Variants in CCDC178 observed in about 807,000 individuals in gnomAD.
The protein encoded by CCDC178 is coiled-coil domain-containing protein 178.
In CCDC178, 126 loss-of-function variants were observed where a neutral mutation model predicts 117.4. That is an observed-to-expected ratio of 1.07 (90% confidence interval 0.93 to 1.24). The LOEUF is 1.24. Among genes scored for constraint, CCDC178 ranks in the 50% most tolerant of loss-of-function variants. CCDC178 has a pLI of 0.00. For missense variants in CCDC178, 1,030 were observed against 986.9 expected (o/e 1.04, Z -0.59); for synonymous variants, 283 against 313.4 (o/e 0.90, Z 1.02).
intron 21 of CCDC178, among the ~76,000 whole-genome samples, chr18:33,001,726 A>G (rs1159596493): frequency 6.6e-6 from 1 of 151,994 alleles, no homozygotes; most frequent in East Asian, 1.9e-4. Flanking sequence ...CAGTCAAAAG[A>G]CATAGATTGT....
intron 20 of CCDC178, among the ~76,000 whole-genome samples, chr18:33,192,451 C>T (rs1270558431): frequency 6.6e-6 from 1 of 152,146 alleles, no homozygotes; most frequent in Non-Finnish European, 1.5e-5. Flanking sequence ...ATAAAAAATA[C>T]ATGATGTGGA....
chr18:33,372,445 T>C (rs2063312056), intron 5 of CCDC178, among the ~76,000 whole-genome samples: 1 of 152,120 alleles, frequency 6.6e-6, no homozygotes. Context: ...ATTAATGTAT[T>C]GGTAGGATGT....
intron 21 of CCDC178, among the ~76,000 whole-genome samples, chr18:33,084,815 A>T (rs551301039): frequency 6.6e-6 from 1 of 152,034 alleles, no homozygotes; most frequent in East Asian, 1.9e-4. Context: ...CGTCTCAAAA[A>T]AAAAAAAAAG....
intron 12 of CCDC178, 22 bp from the exon 13 acceptor site, chr18:33,267,319 A>T: frequency 2.2e-6 from 3 of 1,369,840 alleles, no homozygotes; most frequent in Non-Finnish European, 3.0e-6. Flanking sequence ...GATATACAGA[A>T]CAAAGTGAAT....
In CCDC178 at chr18:33,214,119, C is replaced by T. The variant is rs147544379; in HGVS notation, c.2078+1431G>A. On this transcript the variant is annotated intron_variant, in intron 19 of 22. Coordinates refer to ENST00000383096, the MANE Select transcript of CCDC178 (RefSeq NM_001105528.4). ...GGAGCTAAGCTGAAGCTACCTCTAC[C>T]ACTACTTAAGAGTGTGATCTTAGAT... is the stretch of plus-strand genomic sequence containing the variant. Among the ~76,000 whole-genome samples, 288 of 152,154 alleles carry T rather than the reference C, an allele frequency of 1.9e-3. 1 individual carries two copies. Among genetic ancestry groups the T allele is most frequent in the African/African-American group, 6.5e-3 (268 of 41,540 alleles).
chr18:33,375,467 G>T (rs144799612), intron 5 of CCDC178, among the ~76,000 whole-genome samples: 1 of 152,162 alleles, frequency 6.6e-6, no homozygotes, highest in African/African-American at 2.4e-5. Flanking sequence ...CTCCCATCCT[G>T]GCATTGAGAG....
intron 2 of CCDC178, 30 bp downstream of exon 2, chr18:33,439,932 C>A (rs2064355217): frequency 6.6e-6 from 1 of 152,168 alleles, no homozygotes; most frequent in South Asian, 2.1e-4. Flanking sequence ...TGTCAAATCA[C>A]AAATCAGCTC....
At chr18:33,423,672 C>T (rs1177853214) in intron 2 of CCDC178, among the ~76,000 whole-genome samples, 2 of 152,090 alleles carry the variant, frequency 1.3e-5, no homozygotes, top group African/African-American at 4.8e-5. Flanking sequence ...AGATAAAATA[C>T]TTTGTTAATT....
intron 21 of CCDC178, 83 bp downstream of exon 21, chr18:33,092,678 G>A: frequency 1.2e-6 from 1 of 866,930 alleles, no homozygotes; most frequent in African/African-American, 1.8e-5. Context: ...TCAGATCAGA[G>A]GCACCCAAAC....
intron 9 of CCDC178, among the ~76,000 whole-genome samples, chr18:33,341,479 A>G (rs1390530805): frequency 6.6e-6 from 1 of 152,180 alleles, no homozygotes; most frequent in African/African-American, 2.4e-5. Flanking sequence ...TGGAGGGGCC[A>G]GTAGAATGAT....
At chr18:33,364,371 G>A (rs1273504277) in intron 6 of CCDC178, among the ~76,000 whole-genome samples, 1 of 152,066 alleles carries the variant, frequency 6.6e-6, no homozygotes, top group Non-Finnish European at 1.5e-5. Context: ...GAATAAATGA[G>A]TGATTGGGAG....
At chr18:33,074,555 G>A (rs546529300) in intron 21 of CCDC178, among the ~76,000 whole-genome samples, 12 of 152,304 alleles carry the variant, frequency 7.9e-5, no homozygotes, top group African/African-American at 2.6e-4. Context: ...GGAGCCCTGG[G>A]GAATTCCAAC....
At chr18:33,363,875 T>C (rs2063162845) in intron 6 of CCDC178, among the ~76,000 whole-genome samples, 1 of 152,104 alleles carries the variant, frequency 6.6e-6, no homozygotes, top group African/African-American at 2.4e-5. Context: ...AATGGACTGA[T>C]AGATTGCTAC....
At chr18:33,415,467 C>G (rs922704882) in intron 2 of CCDC178, among the ~76,000 whole-genome samples, 1 of 151,474 alleles carries the variant, frequency 6.6e-6, no homozygotes, top group East Asian at 2.0e-4. Flanking sequence ...AAACAAACAC[C>G]GCATGTTCTC....
chr18:33,163,086 C>A (rs1196087573), intron 20 of CCDC178, among the ~76,000 whole-genome samples: 1 of 152,098 alleles, frequency 6.6e-6, no homozygotes, highest in East Asian at 1.9e-4. Flanking sequence ...ACAACCTCGC[C>A]AGTATCTGTT....
intron 2 of CCDC178, among the ~76,000 whole-genome samples, chr18:33,432,404 A>G (rs892234440): frequency 1.3e-5 from 2 of 149,162 alleles, no homozygotes; most frequent in African/African-American, 5.2e-5. Context: ...AGCGAACTGT[A>G]AGTTTTGCTT....
At chr18:32,952,895 C>T (rs937186077) in intron 22 of CCDC178, among the ~76,000 whole-genome samples, 1 of 151,680 alleles carries the variant, frequency 6.6e-6, no homozygotes, top group African/African-American at 2.4e-5. Flanking sequence ...GCCTCAGCCT[C>T]CCGAGTAGCT....
chr18:32,989,730 C>A (rs1006890352), intron 21 of CCDC178, among the ~76,000 whole-genome samples: 4 of 151,996 alleles, frequency 2.6e-5, no homozygotes, highest in Non-Finnish European at 4.4e-5. Flanking sequence ...AGTAACAAAG[C>A]AAGTGGCAGC....
chr18:33,031,715 G>A (rs2056347034), intron 21 of CCDC178, among the ~76,000 whole-genome samples: 1 of 151,816 alleles, frequency 6.6e-6, no homozygotes, highest in Non-Finnish European at 1.5e-5. Flanking sequence ...ATGTTATAAT[G>A]ATTCAAGTCC....
Sources: gnomAD v4.1 joint callset for allele counts (sites outside exome capture counted in the v4.1 genomes callset) on GRCh38, gnomAD v4.1.1 for gene constraint, MANE v1.5 for transcripts, NCBI Gene and HGNC (gene_info 2026-07-23, HGNC 2026-07-21) for gene names.